Variants in RBFOX1 observed in about 807,000 individuals in gnomAD.
RBFOX1 encodes RNA binding protein fox-1 homolog 1.
RBFOX1 carries 8 observed loss-of-function variants against 57.7 expected under a neutral mutation model. That is an observed-to-expected ratio of 0.14 (90% CI 0.08 to 0.25). The LOEUF (loss-of-function observed/expected upper bound fraction) is 0.25, where lower values mean the gene tolerates loss of function less well. Among genes scored for constraint, RBFOX1 ranks in the 10% least tolerant of loss-of-function variants. The probability of loss-of-function intolerance (pLI) is 1.00; values close to 1 mark genes in which losing one functional copy is unlikely to be tolerated. For missense variants in RBFOX1, 611 were observed against 548.5 expected, an observed-to-expected ratio of 1.11 and a Z score of -1.14; for synonymous variants, 326 against 222.4, an observed-to-expected ratio of 1.47 and a Z score of -4.15.
intron 3 of RBFOX1, among the ~76,000 whole-genome samples, chr16:6,767,950 GAAGAAGAAGAAGAA>G (rs151281097): frequency 0.12 from 12,308 of 105,268 alleles, 629 homozygotes; most frequent in African/African-American, 0.16. Context: ...ATAATAATAA[GAAGAAGAAGAAGAA>G]GAAGAAGAAG....
In RBFOX1 at chr16:6,256,167, A is replaced by ACG. The variant is rs2097661228; in HGVS notation, c.-126-60828_-126-60827insCG. Among the ~76,000 whole-genome samples, 5 of 13,078 alleles carry ACG rather than the reference A, an allele frequency of 3.8e-4. 1 individual carries two copies. In the Admixed American group the frequency reaches 6.5e-3, roughly 17 times the overall value. 8.6% of individuals were successfully genotyped at this position (13,078 alleles called of 152,430 possible). On this transcript the variant is annotated intron_variant, in intron 1 of 15. Coordinates refer to ENST00000550418, the MANE Select transcript of RBFOX1 (RefSeq NM_018723.4). ...TGTATATATATATATATGTATATATATATGTATATATATATATACGTATAT... is the reference window on the plus strand; with the variant it reads ...TGTATATATATATATATGTATATATACGTATGTATATATATATATACGTATAT...
At chr16:6,270,881 C>A (rs2075131531) in intron 1 of RBFOX1, among the ~76,000 whole-genome samples, 1 of 151,986 alleles carries the variant, frequency 6.6e-6, no homozygotes, top group African/African-American at 2.4e-5. Context: ...TAAATTAATA[C>A]CAGAAAGATA....
chr16:5,812,109 T>C (rs866688307), intron 3 of RBFOX1, among the ~76,000 whole-genome samples: 11 of 152,228 alleles, frequency 7.2e-5, no homozygotes, highest in Non-Finnish European at 1.5e-4. Context: ...CACTGTCCCA[T>C]GTAACAGTGT....
chr16:6,484,432 C>G (rs1041083687), intron 2 of RBFOX1, among the ~76,000 whole-genome samples: 3 of 145,056 alleles, frequency 2.1e-5, no homozygotes, highest in Non-Finnish European at 4.7e-5. Context: ...CACGCTTCGA[C>G]TTGAGAAATA....
At chr16:6,941,240 C>CCCCTTCCATTCCCT (rs2078401924) in intron 3 of RBFOX1, among the ~76,000 whole-genome samples, 1 of 116,570 alleles carries the variant, frequency 8.6e-6, no homozygotes, top group Admixed American at 9.2e-5. Flanking sequence ...CTCCCTCCAT[C>CCCCTTCCATTCCCT]CCCTCCCATT....
intron 3 of RBFOX1, among the ~76,000 whole-genome samples, chr16:6,718,281 G>C (rs899171609): frequency 2.6e-5 from 4 of 152,158 alleles, no homozygotes; most frequent in Middle Eastern, 3.2e-3. Context: ...ACGTGCTGGG[G>C]TTGGAGTGGT....
chr16:7,431,896 G>A (rs1540351), intron 4 of RBFOX1, among the ~76,000 whole-genome samples: 63,811 of 152,122 alleles, frequency 0.42, 18,189 homozygotes, highest in African/African-American at 0.79. Flanking sequence ...CCACCATCCA[G>A]TTCACAGGAG....
chr16:6,084,497 G>A (rs941638107), intron 1 of RBFOX1, among the ~76,000 whole-genome samples: 1 of 152,102 alleles, frequency 6.6e-6, no homozygotes, highest in Non-Finnish European at 1.5e-5. Context: ...CTCAGCCTCT[G>A]CCTCCCAAAA....
chr16:6,173,332 A>T (rs867160665), intron 1 of RBFOX1, among the ~76,000 whole-genome samples: 39 of 152,308 alleles, frequency 2.6e-4, no homozygotes, highest in African/African-American at 7.7e-4. Flanking sequence ...ATTATTGAAG[A>T]GATCCAATGT....
chr16:5,809,725 T>G (rs1193251278), intron 3 of RBFOX1, among the ~76,000 whole-genome samples: 2 of 152,172 alleles, frequency 1.3e-5, no homozygotes, highest in African/African-American at 4.8e-5. Context: ...ACACTGTTGG[T>G]GGGACAGTAA....
chr16:7,528,618 T>C (rs1177961144), intron 5 of RBFOX1, among the ~76,000 whole-genome samples: 1 of 152,148 alleles, frequency 6.6e-6, no homozygotes, highest in African/African-American at 2.4e-5. Context: ...CTGAGCTCAG[T>C]AGCTCAGTAC....
intron 4 of RBFOX1, among the ~76,000 whole-genome samples, chr16:7,454,386 C>G (rs1158998867): frequency 6.6e-6 from 1 of 151,804 alleles, no homozygotes; most frequent in Non-Finnish European, 1.5e-5. Flanking sequence ...TAAAACTGTA[C>G]CATATCAAAG....
At chr16:6,786,987 C>G (rs2082077643) in intron 3 of RBFOX1, among the ~76,000 whole-genome samples, 1 of 152,124 alleles carries the variant, frequency 6.6e-6, no homozygotes, top group Non-Finnish European at 1.5e-5. Flanking sequence ...ACAGGTCACC[C>G]ATCTCACTAA....
At chr16:5,250,265 T>G (rs2062416849) in intron 1 of RBFOX1, among the ~76,000 whole-genome samples, 2 of 152,182 alleles carry the variant, frequency 1.3e-5, no homozygotes, top group South Asian at 4.1e-4. Flanking sequence ...CTTTTTCTTT[T>G]CTTTTTATTT....
Position 5,357,713 on chromosome 16 carries a change from T to G in RBFOX1, c.220-109503T>G, listed in dbSNP as rs552574818. On this transcript the variant is annotated intron_variant, in intron 1 of 2. Transcript: ENST00000585867. Reference sequence around the variant, plus strand: ...TTAAGGCCTGGCTGTGTCCCTGTCCTTGGAATCCGTCAGGAGAGGACACAA... The same window carrying G: ...TTAAGGCCTGGCTGTGTCCCTGTCCGTGGAATCCGTCAGGAGAGGACACAA... 1.3e-3 allele frequency among the ~76,000 whole-genome samples: 204 copies of G among 152,326 alleles called. 1 individual carries two copies. The highest frequency in any genetic ancestry group is 3.4e-3 in the Middle Eastern group (1 of 294).
Position 6,098,675 on chromosome 16 carries a change from C to T in RBFOX1, c.-127+78683C>T, listed in dbSNP as rs184653647. On this transcript the variant is annotated intron_variant, in intron 1 of 15. Transcript: ENST00000550418. ...TTCAGAGTTTATACATTCATTTCCA[C>T]CAAAAAGCTCATCATCTGAGACCCT... 1.5e-3 allele frequency among the ~76,000 whole-genome samples: 227 copies of T among 152,344 alleles called. 3 individuals carry two copies. Among genetic ancestry groups the T allele is most frequent in the Admixed American group, 0.014 (213 of 15,308 alleles).
intron 3 of RBFOX1, among the ~76,000 whole-genome samples, chr16:6,904,599 T>TGAAAAA (rs1366471899): frequency 6.2e-5 from 4 of 64,006 alleles, no homozygotes; most frequent in Non-Finnish European, 8.3e-5. Context: ...AGACTCTCTC[T>TGAAAAA]AAAAAAAAAA....
intron 3 of RBFOX1, among the ~76,000 whole-genome samples, chr16:6,689,899 G>T (rs566080921): frequency 6.6e-6 from 1 of 152,182 alleles, no homozygotes; most frequent in Non-Finnish European, 1.5e-5. Flanking sequence ...GCTTGTGAGT[G>T]TGTGCTTGTG....
At chr16:7,026,923 G>C (rs1331886514) in intron 3 of RBFOX1, among the ~76,000 whole-genome samples, 1 of 152,176 alleles carries the variant, frequency 6.6e-6, no homozygotes, top group Non-Finnish European at 1.5e-5. Context: ...TACCGGAGCT[G>C]GCGGCCTCCC....
Sources: gnomAD v4.1 joint callset for allele counts (sites outside exome capture counted in the v4.1 genomes callset) on GRCh38, gnomAD v4.1.1 for gene constraint, MANE v1.5 for transcripts, NCBI Gene and HGNC (gene_info 2026-07-23, HGNC 2026-07-21) for gene names.